The following RPH3A variants were observed in gnomAD, a reference collection of about 807,000 sequenced individuals.
RPH3A encodes the protein rabphilin 3A, also known as rabphilin-3A.
RPH3A carries 48 observed loss-of-function variants against 102.2 expected under a neutral mutation model. The observed-to-expected ratio is 0.47, with a 90% CI of 0.37 to 0.60. The LOEUF is 0.60. Among genes scored for constraint, RPH3A ranks in the 20% least tolerant of loss-of-function variants. RPH3A has a pLI of 0.00. For missense variants in RPH3A, 781 were observed against 910.1 expected (o/e 0.86, Z 1.83); for synonymous variants, 310 against 324.3 (o/e 0.96, Z 0.47).
chr12:112,751,392 T>C (rs1373949687), intron 1 of RPH3A, among the ~76,000 whole-genome samples: 2 of 152,206 alleles, frequency 1.3e-5, no homozygotes, highest in African/African-American at 2.4e-5. Context: ...TTGTGTGACG[T>C]TGAAAGGTTA....
At chr12:112,675,679 G>A (rs2040169483) in intron 1 of RPH3A, among the ~76,000 whole-genome samples, 2 of 152,160 alleles carry the variant, frequency 1.3e-5, no homozygotes. Flanking sequence ...ACCCCTGGGA[G>A]GCCTTGCTTT....
rs550614326 is a variant in RPH3A at position 112,825,672 on chromosome 12, C to T, written c.-18-2629C>T. ...CATTCAGCAAATTTTCATTACGTACCTTCTAGGCGCCAGACTCTATGCTAG... is the reference window on the plus strand; with the variant it reads ...CATTCAGCAAATTTTCATTACGTACTTTCTAGGCGCCAGACTCTATGCTAG... On this transcript the variant is annotated intron_variant, in intron 2 of 21. Transcript: ENST00000389385. Among the ~76,000 whole-genome samples, 13 of 152,212 alleles carry T rather than the reference C, an allele frequency of 8.5e-5. No homozygotes were observed. The South Asian group carries it at 2.7e-3, about 32-fold the overall frequency.
At chr12:112,649,135 A>G (rs2039956305) in intron 1 of RPH3A, among the ~76,000 whole-genome samples, 2 of 152,324 alleles carry the variant, frequency 1.3e-5, no homozygotes, top group Admixed American at 6.5e-5. Context: ...TTTAAAACCA[A>G]TAGTATTTAT....
intron 1 of RPH3A, among the ~76,000 whole-genome samples, chr12:112,668,694 A>G (rs1373461799): frequency 6.6e-6 from 1 of 152,174 alleles, no homozygotes; most frequent in Non-Finnish European, 1.5e-5. Flanking sequence ...AATTAGGACA[A>G]ATACCTAATG....
At chr12:112,873,773 T>C (rs994219513) in intron 10 of RPH3A, 2 of 152,204 alleles carry the variant, frequency 1.3e-5, no homozygotes, top group African/African-American at 4.8e-5. Flanking sequence ...GAGGCGATGT[T>C]CAAGGCCTGG....
chr12:112,803,913 A>G (rs2136108258), intron 2 of RPH3A, among the ~76,000 whole-genome samples: 1 of 152,310 alleles, frequency 6.6e-6, no homozygotes, highest in East Asian at 1.9e-4. Context: ...CACCTGTAAG[A>G]TGGGAATAAT....
intron 1 of RPH3A, among the ~76,000 whole-genome samples, chr12:112,762,008 T>A (rs2040857286): frequency 1.3e-5 from 2 of 152,166 alleles, no homozygotes; most frequent in South Asian, 4.2e-4. Flanking sequence ...AGTTTCCTCA[T>A]CAATAAAATA....
chr12:112,704,934 C>A (rs1481941970), intron 1 of RPH3A, among the ~76,000 whole-genome samples: 1 of 152,054 alleles, frequency 6.6e-6, no homozygotes, highest in Non-Finnish European at 1.5e-5. Flanking sequence ...AGATTAAGAA[C>A]CATAAAAATG....
chr12:112,590,828 G>C (rs973589267), intron 1 of RPH3A, among the ~76,000 whole-genome samples: 3 of 152,168 alleles, frequency 2.0e-5, no homozygotes, highest in Admixed American at 1.3e-4. Context: ...TTAATTAAGA[G>C]ATGCGGTCTC....
chr12:112,843,683 A>G (rs3803059), intron 4 of RPH3A, among the ~76,000 whole-genome samples: 69,589 of 152,024 alleles, frequency 0.46, 16,352 homozygotes, highest in East Asian at 0.58. Context: ...CTGGGAACTA[A>G]GCCTAGAATC....
At chr12:112,794,414 T>A (rs1293707619) in intron 2 of RPH3A, among the ~76,000 whole-genome samples, 2 of 152,136 alleles carry the variant, frequency 1.3e-5, no homozygotes. Context: ...GAGGCCCTGT[T>A]TGGGGTGATT....
At chr12:112,738,126 T>C (rs1392036990) in intron 1 of RPH3A, among the ~76,000 whole-genome samples, 3 of 152,158 alleles carry the variant, frequency 2.0e-5, no homozygotes, top group Non-Finnish European at 4.4e-5. Flanking sequence ...GCCTTTATCA[T>C]CACGTATCCT....
upstream of RPH3A, among the ~76,000 whole-genome samples, chr12:112,789,423 T>A (rs1344269815): frequency 6.6e-6 from 1 of 152,206 alleles, no homozygotes; most frequent in Non-Finnish European, 1.5e-5. Flanking sequence ...AGAATGCATT[T>A]GAAATGAACT....
chr12:112,805,758 G>T (rs1163450051), intron 2 of RPH3A, among the ~76,000 whole-genome samples: 1 of 152,188 alleles, frequency 6.6e-6, no homozygotes, highest in Non-Finnish European at 1.5e-5. Context: ...ATTCAGAAGT[G>T]AATGTCTAGT....
Position 112,627,299 on chromosome 12 carries a change from A to G in RPH3A, c.-140+51980A>G, listed in dbSNP as rs987463040. Among the ~76,000 whole-genome samples the G allele has an allele frequency of 3.5e-4, 52 of 150,654 alleles. 1 individual carries two copies. Among genetic ancestry groups the G allele is most frequent in the African/African-American group, 1.1e-3 (47 of 41,276 alleles). ...GCAATACAGAATTGTAATACAACAT[A>G]TACTATAGTTTTATGTAATATATAG... On this transcript the variant is annotated intron_variant, in intron 1 of 21. Coordinates refer to the RPH3A transcript ENST00000543106.
intron 4 of RPH3A, among the ~76,000 whole-genome samples, chr12:112,837,281 C>T (rs112589115): frequency 0.021 from 3,252 of 152,262 alleles, 87 homozygotes; most frequent in African/African-American, 0.064. Flanking sequence ...CCCCTCCCTC[C>T]TCACTGGCTG....
At chr12:112,825,777 A>G (rs2041859569) in intron 2 of RPH3A, among the ~76,000 whole-genome samples, 1 of 152,230 alleles carries the variant, frequency 6.6e-6, no homozygotes, top group African/African-American at 2.4e-5. Flanking sequence ...AGCTCTAAGC[A>G]AAGACACAAA....
intron 3 of RPH3A, among the ~76,000 whole-genome samples, chr12:112,835,850 T>G (rs1314602807): frequency 8.4e-6 from 1 of 118,456 alleles, no homozygotes; most frequent in Non-Finnish European, 1.8e-5. Context: ...TTCTTCTTGC[T>G]TGGTTAGGGC....
At chr12:112,696,968 G>C (rs1227538661) in intron 1 of RPH3A, among the ~76,000 whole-genome samples, 1 of 151,332 alleles carries the variant, frequency 6.6e-6, no homozygotes, top group Non-Finnish European at 1.5e-5. Flanking sequence ...TAGTAACAAT[G>C]ATACTATTTA....
Sources: allele counts gnomAD v4.1 joint callset (sites outside exome capture counted in the v4.1 genomes callset), GRCh38; gene constraint gnomAD v4.1.1; transcripts MANE v1.5; gene names NCBI Gene and HGNC (gene_info 2026-07-23, HGNC 2026-07-21).